ASCC3: variants seen among roughly 807,000 people sequenced by gnomAD.
ASCC3 encodes the protein activating signal cointegrator 1 complex subunit 3.
A neutral mutation model predicts 256.3 loss-of-function variants in ASCC3; 158 were observed. The observed-to-expected ratio is 0.62, with a 90% CI of 0.54 to 0.70. The LOEUF (loss-of-function observed/expected upper bound fraction) is 0.70. Ranked by LOEUF, ASCC3 falls within the 30% of genes least tolerant of loss-of-function variation. The probability of loss-of-function intolerance (pLI) is 0.00; values close to 1 mark genes in which losing one functional copy is unlikely to be tolerated. For missense variants in ASCC3, 2,259 were observed against 2,626.0 expected (o/e 0.86, Z 3.05); for synonymous variants, 948 against 883.4 (o/e 1.07, Z -1.30).
At chr6:100,537,433 G>C (rs1775213474) in intron 37 of ASCC3, among the ~76,000 whole-genome samples, 2 of 152,158 alleles carry the variant, frequency 1.3e-5, no homozygotes, top group Non-Finnish European at 2.9e-5. Context: ...GTGGGATCTT[G>C]AATTGGATCA....
At chr6:100,835,485 A>T (rs1322611230) in intron 4 of ASCC3, among the ~76,000 whole-genome samples, 1 of 152,200 alleles carries the variant, frequency 6.6e-6, no homozygotes, top group Non-Finnish European at 1.5e-5. Flanking sequence ...AATCTTCTGC[A>T]CATGAATATC....
At chr6:100,702,761 C>A (rs1270219228) in intron 13 of ASCC3, among the ~76,000 whole-genome samples, 2 of 152,084 alleles carry the variant, frequency 1.3e-5, no homozygotes, top group Non-Finnish European at 2.9e-5. Context: ...ACTTCTACAA[C>A]CTCCACCTAA....
At chr6:100,711,844 A>T (rs1582739237) in intron 13 of ASCC3, among the ~76,000 whole-genome samples, 1 of 152,248 alleles carries the variant, frequency 6.6e-6, no homozygotes, top group East Asian at 1.9e-4. Context: ...CACAGTTCAA[A>T]ATTAAATGGA....
In ASCC3 at chr6:100,608,193, T is replaced by C. The variant is rs1185549147; in HGVS notation, c.4786-1105A>G. Among the ~76,000 whole-genome samples, 16 of 100,416 alleles carry C rather than the reference T, an allele frequency of 1.6e-4. 2 individuals are homozygous for C. The highest frequency in any genetic ancestry group is 4.5e-4 in the African/African-American group (11 of 24,530). 65.9% of individuals were successfully genotyped at this position (100,416 alleles called of 152,430 possible). A position where few individuals can be genotyped will look rare whatever the true frequency, so the allele number is the denominator to read the frequency against. The stretch of plus-strand genomic sequence containing the variant: ...ATATTTATATATGTGTGTGTATATA[T>C]ATACTTTATATATATACTTTATATA... On this transcript the variant is annotated intron_variant, in intron 30 of 41. Coordinates refer to ENST00000369162, the MANE Select transcript of ASCC3 (RefSeq NM_006828.4).
chr6:100,523,925 G>A (rs897430447), intron 37 of ASCC3, among the ~76,000 whole-genome samples: 13 of 152,104 alleles, frequency 8.5e-5, no homozygotes, highest in Admixed American at 7.9e-4. Flanking sequence ...AGTGTAGAGA[G>A]TATGCAATAT....
chr6:100,712,857 A>C (rs896582621), intron 13 of ASCC3, among the ~76,000 whole-genome samples: 1 of 143,756 alleles, frequency 7.0e-6, no homozygotes, highest in Non-Finnish European at 1.5e-5. Context: ...TCCCAGGTTC[A>C]CGCCATTCTC....
intron 4 of ASCC3, among the ~76,000 whole-genome samples, chr6:100,829,565 C>T (rs1490344967): frequency 6.6e-6 from 1 of 152,042 alleles, no homozygotes; most frequent in Non-Finnish European, 1.5e-5. Flanking sequence ...CCGCTGGCGG[C>T]GCCTCTCCCT....
intron 5 of ASCC3, among the ~76,000 whole-genome samples, chr6:100,800,923 C>CCTTTAA (rs1769885418): frequency 6.6e-6 from 1 of 151,718 alleles, no homozygotes; most frequent in Non-Finnish European, 1.5e-5. Flanking sequence ...TAAATTTTTA[C>CCTTTAA]TATGTAATAG....
At chr6:100,707,497 T>C (rs1162488379) in intron 13 of ASCC3, among the ~76,000 whole-genome samples, 1 of 152,126 alleles carries the variant, frequency 6.6e-6, no homozygotes, top group African/African-American at 2.4e-5. Flanking sequence ...CCTTCATGTT[T>C]GGTTTATGGT....
At chr6:100,612,919 GAAGTA>G (rs1773478365) in intron 30 of ASCC3, among the ~76,000 whole-genome samples, 1 of 136,236 alleles carries the variant, frequency 7.3e-6, no homozygotes, top group African/African-American at 2.6e-5. Flanking sequence ...AATTACATGT[GAAGTA>G]AATATATAAG....
At chr6:100,618,879 C>T (rs1007365968) in intron 30 of ASCC3, among the ~76,000 whole-genome samples, 1 of 152,106 alleles carries the variant, frequency 6.6e-6, no homozygotes, top group African/African-American at 2.4e-5. Context: ...CATGACGATA[C>T]CCTGTATAAT....
Position 100,647,274 on chromosome 6 carries a change from T to C in ASCC3, c.3430A>G (p.Lys1144Glu), listed in dbSNP as rs757461596. 54 of 1,613,962 alleles carry C rather than the reference T, an allele frequency of 3.3e-5. No individual in the cohort carries two copies. The highest frequency in any genetic ancestry group is 4.4e-5 in the Non-Finnish European group (52 of 1,179,994). ...PPHILTRLEE[K>E]KLTVDKLKDM... ...TTCAGCTTATCCACAGTAAGCTTTTTTTCTTCTAATCTTGTTAGGATGTGT... is the reference window on the plus strand; with the variant it reads ...TTCAGCTTATCCACAGTAAGCTTTTCTTCTTCTAATCTTGTTAGGATGTGT... Residue 1144 changes from lysine (K) to glutamate (E), a missense_variant, in exon 21 of 42, where the codon AAA becomes GAA. This residue lies in a region of ASCC3 where 1,839 missense variants were observed against 2,206.7 expected (regional missense o/e 0.83). Transcript: ENST00000369162.
In ASCC3 at chr6:100,729,831, G is replaced by T. The variant is rs551294769; in HGVS notation, c.1738-4128C>A. Among the ~76,000 whole-genome samples the T allele has an allele frequency of 6.6e-5, 10 of 152,216 alleles. No individual in the cohort carries two copies. In the South Asian group the frequency reaches 1.9e-3, roughly 28 times the overall value. On this transcript the variant is annotated intron_variant, in intron 10 of 41. Coordinates refer to ENST00000369162, the MANE Select transcript of ASCC3 (RefSeq NM_006828.4). ...TTTAAAATTGATTTTGAAATTTTTA[G>T]TACTTAGACTGTAGAAAACCGGGAG...
chr6:100,650,734 T>C lies in ASCC3; in HGVS notation c.3076-20A>G. On this transcript the variant is annotated intron_variant, in intron 19 of 41. Transcript: ENST00000369162. ...TCTGACCTAGAAGAATCAATGTATT[T>C]ATTGGAATTTTGGGGCTGATTTATT... The C allele has an allele frequency of 6.3e-7, 1 of 1,592,018 alleles. No individual in the cohort carries two copies. The highest frequency in any genetic ancestry group is 1.1e-5 in the South Asian group (1 of 90,378).
intron 22 of ASCC3, among the ~76,000 whole-genome samples, chr6:100,644,925 G>C (rs1394437618): frequency 6.6e-6 from 1 of 152,154 alleles, no homozygotes; most frequent in Non-Finnish European, 1.5e-5. Flanking sequence ...AGAGCAAATG[G>C]GTGAAAAGTT....
intron 12 of ASCC3, 97 bp downstream of exon 12, chr6:100,717,978 A>G: frequency 8.4e-7 from 1 of 1,191,008 alleles, no homozygotes; most frequent in Non-Finnish European, 1.2e-6. Flanking sequence ...ACACCACAAA[A>G]GGCTGAAATG....
At chr6:100,710,305 G>A (rs1229731684) in intron 13 of ASCC3, among the ~76,000 whole-genome samples, 1 of 152,082 alleles carries the variant, frequency 6.6e-6, no homozygotes, top group Non-Finnish European at 1.5e-5. Flanking sequence ...TTCTGCCTCA[G>A]CTGTGTGCAT....
At chr6:100,562,333 G>A (rs977563757) in intron 36 of ASCC3, among the ~76,000 whole-genome samples, 1 of 151,996 alleles carries the variant, frequency 6.6e-6, no homozygotes, top group African/African-American at 2.4e-5. Flanking sequence ...GGTATCACTG[G>A]AAATTCCTCT....
intron 4 of ASCC3, among the ~76,000 whole-genome samples, chr6:100,828,863 T>C (rs1771470027): frequency 6.6e-6 from 1 of 152,070 alleles, no homozygotes; most frequent in South Asian, 2.1e-4. Flanking sequence ...TTGCCACTGC[T>C]AGCTCCAGCA....
Sources: allele counts gnomAD v4.1 joint callset (sites outside exome capture counted in the v4.1 genomes callset), GRCh38; gene constraint gnomAD v4.1.1; regional missense constraint gnomAD v4.1.1; transcripts MANE v1.5; gene names NCBI Gene and HGNC (gene_info 2026-07-23, HGNC 2026-07-21).